Variants in TENM2 observed in about 807,000 individuals in gnomAD.
TENM2 encodes the protein teneurin-2.
In TENM2, 52 loss-of-function variants were observed where a neutral mutation model predicts 245.2. That is an observed-to-expected ratio of 0.21 (90% confidence interval 0.17 to 0.27). TENM2 has a LOEUF of 0.27. TENM2 is among the 10% of genes least tolerant of loss of function. TENM2 has a pLI of 1.00. For synonymous variants in TENM2, 1,363 were observed against 1,438.9 expected, an observed-to-expected ratio of 0.95 and a Z score of 1.19; for missense variants, 3,046 against 3,666.8, an observed-to-expected ratio of 0.83 and a Z score of 4.37.
chr5:167,539,178 A>G (rs1388648654), intron 2 of TENM2, among the ~76,000 whole-genome samples: 2 of 152,330 alleles, frequency 1.3e-5, no homozygotes, highest in Non-Finnish European at 2.9e-5. Flanking sequence ...TTATAGGTCT[A>G]TTCTTTCAGA....
intron 5 of TENM2, among the ~76,000 whole-genome samples, chr5:168,035,297 G>A (rs1787561064): frequency 6.6e-6 from 1 of 152,154 alleles, no homozygotes; most frequent in South Asian, 2.1e-4. Flanking sequence ...AGGAGTTTGA[G>A]ACCAGCCTGG....
At chr5:167,590,313 A>G (rs1008129179) in intron 2 of TENM2, among the ~76,000 whole-genome samples, 1 of 152,008 alleles carries the variant, frequency 6.6e-6, no homozygotes, top group Middle Eastern at 3.2e-3. Flanking sequence ...ATTGTTTCTC[A>G]GCTTTAAAAA....
At chr5:167,044,944 T>G in the TENM2 span, among the ~76,000 whole-genome samples, 1 of 151,884 alleles carries the variant, frequency 6.6e-6, no homozygotes, top group Non-Finnish European at 1.5e-5. Context: ...CCAGAGAAAA[T>G]GGAGGGAGCA....
At chr5:167,732,478 T>G (rs1760505560) in intron 2 of TENM2, among the ~76,000 whole-genome samples, 2 of 152,188 alleles carry the variant, frequency 1.3e-5, no homozygotes, top group Non-Finnish European at 2.9e-5. Context: ...ACATTATTGT[T>G]TTTAAGAAAA....
intron 2 of TENM2, among the ~76,000 whole-genome samples, chr5:167,845,277 ACAC>A (rs769970376): frequency 2.1e-4 from 14 of 68,224 alleles, no homozygotes; most frequent in Admixed American, 5.0e-4. Flanking sequence ...ACACACACAC[ACAC>A]AACACGGCCC....
intron 2 of TENM2, among the ~76,000 whole-genome samples, chr5:167,872,975 C>T (rs1773111792): frequency 6.6e-6 from 1 of 152,252 alleles, no homozygotes; most frequent in Non-Finnish European, 1.5e-5. Flanking sequence ...AAATTGGCTT[C>T]CAGCCATCCT....
chr5:167,606,895 T>G (rs1205503580), intron 2 of TENM2, among the ~76,000 whole-genome samples: 1 of 152,194 alleles, frequency 6.6e-6, no homozygotes, highest in Non-Finnish European at 1.5e-5. Context: ...TTAACCCACT[T>G]TCTTTCTTTG....
chr5:167,350,561 G>GTA (rs1758772086), intron 1 of TENM2, among the ~76,000 whole-genome samples: 1 of 138,622 alleles, frequency 7.2e-6, no homozygotes, highest in African/African-American at 2.7e-5. Flanking sequence ...CATATATATG[G>GTA]GATATATATA....
the TENM2 span, among the ~76,000 whole-genome samples, chr5:167,203,573 C>T: frequency 2.0e-5 from 3 of 152,108 alleles, no homozygotes; most frequent in Admixed American, 2.0e-4. Context: ...ACAACTGGAG[C>T]AGGAAGGAGG....
intron 3 of TENM2, among the ~76,000 whole-genome samples, chr5:167,894,988 AGGAG>A (rs1554140158): frequency 3.3e-4 from 35 of 106,404 alleles, no homozygotes; most frequent in South Asian, 1.5e-3. Context: ...GAAGGAAGGA[AGGAG>A]GGAAGGAAGG....
chr5:168,083,390 T>G (rs1204501572), intron 7 of TENM2, among the ~76,000 whole-genome samples: 1 of 152,202 alleles, frequency 6.6e-6, no homozygotes, highest in Non-Finnish European at 1.5e-5. Flanking sequence ...CCCTGACCCC[T>G]TGCACTTCCC....
chr5:167,572,296 G>T (rs2127662489), intron 2 of TENM2, among the ~76,000 whole-genome samples: 1 of 152,272 alleles, frequency 6.6e-6, no homozygotes, highest in African/African-American at 2.4e-5. Flanking sequence ...TCTATATCTG[G>T]TGGCTTACAT....
chr5:167,121,287 G>C, the TENM2 span, among the ~76,000 whole-genome samples: 1 of 152,124 alleles, frequency 6.6e-6, no homozygotes, highest in Non-Finnish European at 1.5e-5. Context: ...AGTAAAAGCA[G>C]GGTGTGGTGA....
chr5:167,706,567 A>G (rs904427782), intron 2 of TENM2, among the ~76,000 whole-genome samples: 1 of 151,986 alleles, frequency 6.6e-6, no homozygotes, highest in African/African-American at 2.4e-5. Flanking sequence ...GGGAGCACAA[A>G]TATCTCTTTA....
intron 5 of TENM2, among the ~76,000 whole-genome samples, chr5:168,018,898 G>T (rs1428774228): frequency 6.6e-6 from 1 of 152,134 alleles, no homozygotes; most frequent in Non-Finnish European, 1.5e-5. Flanking sequence ...AAATAGATGT[G>T]CACACTATCA....
At chr5:167,918,119 T>C (rs963586729) in intron 3 of TENM2, among the ~76,000 whole-genome samples, 16 of 152,196 alleles carry the variant, frequency 1.1e-4, no homozygotes, top group African/African-American at 3.4e-4. Context: ...TGCCTGCTTT[T>C]CAAAACATTG....
chr5:168,168,177 C>T lies in TENM2; in HGVS notation c.2569+5420C>T, dbSNP rs191505080. Among the ~76,000 whole-genome samples the T allele has an allele frequency of 8.6e-4, 131 of 152,254 alleles. 1 individual carries two copies. The highest frequency in any genetic ancestry group is 6.5e-4 in the Non-Finnish European group (44 of 68,002). On this transcript the variant is annotated intron_variant, in intron 13 of 28. Transcript: ENST00000518659. The stretch of plus-strand genomic sequence containing the variant: ...TAGAATGCAGGAGTCTGCACTTTTA[C>T]CACGCACCCCAGAGTGTCTGATACA...
intron 2 of TENM2, among the ~76,000 whole-genome samples, chr5:167,583,574 A>T (rs1775258656): frequency 1.3e-5 from 2 of 152,222 alleles, no homozygotes; most frequent in South Asian, 2.1e-4. Flanking sequence ...GAGAATAACC[A>T]TATGGAGAAT....
At chr5:167,666,270 T>G (rs528487586) in intron 2 of TENM2, among the ~76,000 whole-genome samples, 4 of 152,274 alleles carry the variant, frequency 2.6e-5, no homozygotes, top group Non-Finnish European at 4.4e-5. Context: ...TTCTAAGAAA[T>G]GGTGGTGAGC....
Sources: allele counts gnomAD v4.1 joint callset (sites outside exome capture counted in the v4.1 genomes callset), GRCh38; gene constraint gnomAD v4.1.1; transcripts MANE v1.5; gene names NCBI Gene and HGNC (gene_info 2026-07-23, HGNC 2026-07-21).